ITGBL1: variants seen among roughly 807,000 people sequenced by gnomAD.
The protein encoded by ITGBL1 is integrin subunit beta like 1.
In ITGBL1, 51 loss-of-function variants were observed where a neutral mutation model predicts 68.5. That is an observed-to-expected ratio of 0.74 (90% CI 0.59 to 0.94). The LOEUF (loss-of-function observed/expected upper bound fraction) is 0.94. ITGBL1 is among the 40% of genes least tolerant of loss of function. The probability of loss-of-function intolerance (pLI) is 0.00; values close to 1 mark genes in which losing one functional copy is unlikely to be tolerated. For synonymous variants in ITGBL1, 209 were observed against 227.3 expected (o/e 0.92, Z 0.72); for missense variants, 649 against 647.4 (o/e 1.00, Z -0.03).
At chr13:101,621,663 G>A (rs1428289422) in intron 7 of ITGBL1, among the ~76,000 whole-genome samples, 1 of 152,062 alleles carries the variant, frequency 6.6e-6, no homozygotes, top group East Asian at 1.9e-4. Context: ...TTGGAGACAG[G>A]AGATTTTTCA....
At chr13:101,692,266 A>G (rs2033897769) in intron 7 of ITGBL1, among the ~76,000 whole-genome samples, 2 of 152,196 alleles carry the variant, frequency 1.3e-5, no homozygotes, top group African/African-American at 4.8e-5. Context: ...AGGAATCATC[A>G]GGATAAGTTG....
At chr13:101,510,640 G>A (rs374055368) in intron 2 of ITGBL1, among the ~76,000 whole-genome samples, 2 of 151,938 alleles carry the variant, frequency 1.3e-5, no homozygotes, top group East Asian at 1.9e-4. Flanking sequence ...TCTTTTTCCT[G>A]CCAGCCTTGC....
intron 6 of ITGBL1, among the ~76,000 whole-genome samples, chr13:101,595,131 C>T (rs998801496): frequency 2.0e-5 from 3 of 152,090 alleles, no homozygotes; most frequent in Admixed American, 2.0e-4. Flanking sequence ...TTTTGACTCA[C>T]ATTTCTGCAG....
intron 9 of ITGBL1, 74 bp downstream of exon 9, chr13:101,706,976 G>C: frequency 6.7e-7 from 1 of 1,487,272 alleles, no homozygotes; most frequent in South Asian, 1.3e-5. Context: ...TGTAGCAACT[G>C]TCTTTCCCAG....
At chr13:101,665,382 T>A (rs1373915471) in intron 7 of ITGBL1, among the ~76,000 whole-genome samples, 1 of 152,032 alleles carries the variant, frequency 6.6e-6, no homozygotes, top group African/African-American at 2.4e-5. Flanking sequence ...TTTTATATGT[T>A]ATTATAAATG....
intron 7 of ITGBL1, among the ~76,000 whole-genome samples, chr13:101,666,139 C>T (rs780713833): frequency 2.0e-5 from 3 of 152,132 alleles, no homozygotes; most frequent in Non-Finnish European, 4.4e-5. Flanking sequence ...TGTCTTTCTG[C>T]CCATTATTAA....
intron 7 of ITGBL1, among the ~76,000 whole-genome samples, chr13:101,658,871 A>G (rs1022837583): frequency 2.6e-5 from 4 of 151,514 alleles, no homozygotes; most frequent in African/African-American, 9.7e-5. Flanking sequence ...CTTTTAAACA[A>G]TAATAGTAAT....
Position 101,715,705 on chromosome 13 carries a change from A to G in ITGBL1, c.*51A>G. On this transcript the variant is annotated 3_prime_UTR_variant, in exon 11 of 11. Coordinates refer to ENST00000376180, the MANE Select transcript of ITGBL1 (RefSeq NM_004791.3). ...CTTATTTTTTCTGGGCCATTAGAAC[A>G]GATAAATGCGAAGGAAACCATGTAT... 1 of 1,237,394 alleles carries G rather than the reference A, an allele frequency of 8.1e-7. No homozygotes were observed. The allele number at this position is 1,237,394 out of a possible 1,614,324, so 76.7% of individuals were successfully genotyped here.
chr13:101,542,851 C>A (rs2049735760), intron 2 of ITGBL1, among the ~76,000 whole-genome samples: 1 of 152,056 alleles, frequency 6.6e-6, no homozygotes, highest in African/African-American at 2.4e-5. Flanking sequence ...GGTTTAAAGT[C>A]TGTTTTATCA....
intron 7 of ITGBL1, among the ~76,000 whole-genome samples, chr13:101,644,160 C>T (rs538536911): frequency 6.6e-6 from 1 of 152,254 alleles, no homozygotes; most frequent in South Asian, 2.1e-4. Flanking sequence ...TCCAGTTACC[C>T]TCATACTTGT....
At chr13:101,625,478 G>C (rs1387057895) in intron 7 of ITGBL1, among the ~76,000 whole-genome samples, 1 of 152,108 alleles carries the variant, frequency 6.6e-6, no homozygotes, top group Non-Finnish European at 1.5e-5. Context: ...GTGGTAGCTC[G>C]ATAGTTGTGT....
intron 2 of ITGBL1, among the ~76,000 whole-genome samples, chr13:101,466,073 A>G (rs1433052766): frequency 6.6e-6 from 1 of 152,180 alleles, no homozygotes; most frequent in African/African-American, 2.4e-5. Flanking sequence ...TAGTCATCCA[A>G]CTAAACTATG....
At chr13:101,637,148 T>C (rs2032196636) in intron 7 of ITGBL1, among the ~76,000 whole-genome samples, 1 of 152,140 alleles carries the variant, frequency 6.6e-6, no homozygotes, top group South Asian at 2.1e-4. Flanking sequence ...TAATGTTCCA[T>C]ATGTGTAGGC....
intron 7 of ITGBL1, among the ~76,000 whole-genome samples, chr13:101,687,010 T>C (rs181365645): frequency 5.5e-4 from 83 of 152,244 alleles, no homozygotes; most frequent in African/African-American, 1.8e-3. Flanking sequence ...AAACAATTAT[T>C]ACATATATTG....
chr13:101,671,911 G>A (rs1434356632), intron 7 of ITGBL1, among the ~76,000 whole-genome samples: 1 of 152,038 alleles, frequency 6.6e-6, no homozygotes, highest in Non-Finnish European at 1.5e-5. Context: ...TGGAAATATT[G>A]GCTATATTAC....
At chr13:101,461,930 T>A (rs2048323589) in intron 2 of ITGBL1, among the ~76,000 whole-genome samples, 1 of 152,198 alleles carries the variant, frequency 6.6e-6, no homozygotes, top group Non-Finnish European at 1.5e-5. Context: ...ACATGGGACT[T>A]CCAGGGCCAA....
At chr13:101,594,795 G>C (rs928894379) in intron 6 of ITGBL1, among the ~76,000 whole-genome samples, 1 of 152,122 alleles carries the variant, frequency 6.6e-6, no homozygotes, top group African/African-American at 2.4e-5. Context: ...TTTTGGGCCA[G>C]GCACATGGTG....
At chr13:101,476,827 T>C (rs1366994684) in intron 2 of ITGBL1, among the ~76,000 whole-genome samples, 1 of 152,136 alleles carries the variant, frequency 6.6e-6, no homozygotes, top group Non-Finnish European at 1.5e-5. Context: ...CACCCAAAAC[T>C]GGAGCACCTA....
chr13:101,570,991 A>G (rs1262864512), intron 3 of ITGBL1, among the ~76,000 whole-genome samples: 1 of 152,158 alleles, frequency 6.6e-6, no homozygotes, highest in Non-Finnish European at 1.5e-5. Context: ...GTGCATATAC[A>G]CACAAATACA....
Sources: allele counts gnomAD v4.1 joint callset (sites outside exome capture counted in the v4.1 genomes callset), GRCh38; gene constraint gnomAD v4.1.1; transcripts MANE v1.5; gene names NCBI Gene and HGNC (gene_info 2026-07-23, HGNC 2026-07-21).